Variants in ABCA9 observed in about 807,000 individuals in gnomAD.
ABCA9 encodes ATP binding cassette subfamily A member 9.
A neutral mutation model predicts 205.3 loss-of-function variants in ABCA9; 183 were observed. The ratio of observed to expected loss-of-function variants is 0.89; its 90% CI spans 0.79 to 1.01. The LOEUF (loss-of-function observed/expected upper bound fraction) is 1.01. Ranked by LOEUF, ABCA9 falls within the 50% of genes least tolerant of loss-of-function variation. The pLI is 0.00. For synonymous variants in ABCA9, 651 were observed against 683.3 expected (o/e 0.95, Z 0.74); for missense variants, 1,805 against 1,912.4 (o/e 0.94, Z 1.05).
chr17:69,003,062 T>C (rs1388095298), intron 25 of ABCA9, among the ~76,000 whole-genome samples: 4 of 150,806 alleles, frequency 2.7e-5, no homozygotes, highest in Non-Finnish European at 4.4e-5. Flanking sequence ...GGGTCTTGAC[T>C]CTTTATCCAG....
At chr17:69,005,935 A>T (rs2070110426) in intron 25 of ABCA9, among the ~76,000 whole-genome samples, 1 of 152,184 alleles carries the variant, frequency 6.6e-6, no homozygotes, top group Non-Finnish European at 1.5e-5. Flanking sequence ...TTAAGACTTT[A>T]GGTCTAGAAC....
intron 1 of ABCA9, chr17:69,051,424 T>C: frequency 3.0e-6 from 1 of 336,416 alleles, no homozygotes; most frequent in Admixed American, 4.4e-5. Flanking sequence ...ACTGTGGGTG[T>C]TGTTAAATTG....
At chr17:69,030,847 T>C (rs1274840570) in intron 10 of ABCA9, among the ~76,000 whole-genome samples, 1 of 152,224 alleles carries the variant, frequency 6.6e-6, no homozygotes, top group Non-Finnish European at 1.5e-5. Context: ...CTGTGGTTGG[T>C]ATAATAATAC....
the ABCA9 span, among the ~76,000 whole-genome samples, chr17:69,077,413 T>C: frequency 6.6e-6 from 1 of 152,210 alleles, no homozygotes; most frequent in African/African-American, 2.4e-5. Context: ...TGAGACTTGC[T>C]TTATGTCTGA....
intron 18 of ABCA9, 73 bp downstream of exon 18, chr17:69,021,669 C>A: frequency 1.0e-6 from 1 of 990,250 alleles, no homozygotes; most frequent in Non-Finnish European, 1.5e-6. Context: ...AAGATAAAAT[C>A]TTTCTTTCGT....
At chr17:69,013,244 A>G (rs1464203969) in intron 22 of ABCA9, among the ~76,000 whole-genome samples, 7 of 152,134 alleles carry the variant, frequency 4.6e-5, no homozygotes, top group Admixed American at 4.6e-4. Flanking sequence ...GGTGAGATTG[A>G]TGGATTGTAT....
intron 29 of ABCA9, among the ~76,000 whole-genome samples, chr17:68,990,409 T>A (rs1411575434): frequency 6.6e-6 from 1 of 152,348 alleles, no homozygotes; most frequent in East Asian, 1.9e-4. Flanking sequence ...TGAGACAGAA[T>A]CTTGCTCTGT....
chr17:68,985,178 A>G (rs1206729157), intron 32 of ABCA9, 50 bp from the exon 33 acceptor site: 3 of 1,580,050 alleles, frequency 1.9e-6, no homozygotes, highest in Non-Finnish European at 2.6e-6. Context: ...GCGAATGTAC[A>G]TGGGAGAATG....
intron 17 of ABCA9, chr17:69,022,117 A>C (rs570523499): frequency 5.7e-6 from 1 of 176,028 alleles, no homozygotes; most frequent in African/African-American, 2.4e-5. Flanking sequence ...ATATTTTAAT[A>C]TATTTTTTAA....
chr17:68,985,169 C>A (rs558789331), intron 32 of ABCA9, 41 bp from the exon 33 acceptor site: 53 of 1,613,306 alleles, frequency 3.3e-5, no homozygotes, highest in Non-Finnish European at 4.1e-5. Flanking sequence ...CCAACACTGG[C>A]GAATGTACAT....
intron 26 of ABCA9, among the ~76,000 whole-genome samples, chr17:68,994,478 CT>C (rs1448475000): frequency 6.6e-6 from 1 of 152,210 alleles, no homozygotes; most frequent in African/African-American, 2.4e-5. Context: ...AAACTCTCTA[CT>C]TTGCTGACTT....
At chr17:68,989,493 T>G (rs1402448466) in intron 30 of ABCA9, among the ~76,000 whole-genome samples, 2 of 152,200 alleles carry the variant, frequency 1.3e-5, no homozygotes, top group Non-Finnish European at 2.9e-5. Context: ...AGCACTGTTA[T>G]GCCTCCATTG....
chr17:69,010,559 G>C (rs1193155186), intron 23 of ABCA9, among the ~76,000 whole-genome samples: 1 of 152,132 alleles, frequency 6.6e-6, no homozygotes, highest in Non-Finnish European at 1.5e-5. Flanking sequence ...AATTCTACCT[G>C]CAAAGAGAAA....
chr17:69,016,248 C>T lies in ABCA9; in HGVS notation c.3039+5G>A. 3 of 1,566,058 alleles carry T rather than the reference C, an allele frequency of 1.9e-6. No homozygotes were observed. Among genetic ancestry groups the T allele is most frequent in the Non-Finnish European group, 2.6e-6 (3 of 1,162,678 alleles). On this transcript the variant is annotated splice_donor_5th_base_variant and intron_variant, in intron 22 of 38. Transcript: ENST00000340001. ...ACAGTATAAATGAGATATAATTATA[C>T]TTACTTCAAAAAATGTGCTTCTGTC...
In ABCA9 at chr17:68,990,945, T is replaced by G. The variant is rs765928790; in HGVS notation, c.3729A>C (p.Arg1243Ser). The change falls in exon 29 of 39, where the codon AGA (arginine) becomes AGC (serine). Residue 1243 changes from arginine to serine, a missense_variant. By Grantham distance (110) the Arg-to-Ser change is moderately radical. Transcript: ENST00000340001. ...CTGGGTTTGGAAAAATAGCGTTGCT[T>G]CTTGGAGAAATTCTGAAATCAAAAC... Reference protein sequence around the residue: ...RKDPVFRISPRSNAIFPNPEE... With the variant: ...RKDPVFRISPSSNAIFPNPEE... 6.2e-7 allele frequency: 1 copy of G among 1,609,434 alleles called. No homozygotes were observed.
At chr17:69,033,931 A>G in intron 8 of ABCA9, 58 bp from the exon 9 acceptor site, 1 of 1,366,410 alleles carries the variant, frequency 7.3e-7, no homozygotes, top group Non-Finnish European at 1.0e-6. Context: ...AAGAATTATT[A>G]TTGTTTTATT....
At chr17:69,053,599 CT>C (rs2071976374) in intron 1 of ABCA9, among the ~76,000 whole-genome samples, 1 of 151,914 alleles carries the variant, frequency 6.6e-6, no homozygotes, top group African/African-American at 2.4e-5. Flanking sequence ...TATTAGTAGA[CT>C]ACACACAGCT....
intron 35 of ABCA9, 79 bp from the exon 36 acceptor site, chr17:68,983,928 G>A (rs1801960128): frequency 6.2e-7 from 1 of 1,604,966 alleles, no homozygotes; most frequent in Non-Finnish European, 8.5e-7. Context: ...CTGGAGGCCA[G>A]AGTAAGGCCA....
intron 23 of ABCA9, among the ~76,000 whole-genome samples, chr17:69,011,395 G>T (rs1346326384): frequency 6.6e-6 from 1 of 152,194 alleles, no homozygotes; most frequent in African/African-American, 2.4e-5. Context: ...AGTCACTAAA[G>T]ATAGGGACAG....
Sources: allele counts gnomAD v4.1 joint callset (sites outside exome capture counted in the v4.1 genomes callset), GRCh38; gene constraint gnomAD v4.1.1; transcripts MANE v1.5; gene names NCBI Gene and HGNC (gene_info 2026-07-23, HGNC 2026-07-21).